Variants in MAGI3 observed in about 807,000 individuals in gnomAD.
MAGI3 encodes the protein membrane-associated guanylate kinase, WW and PDZ domain-containing protein 3.
Under a neutral mutation model 121.8 loss-of-function variants are expected in MAGI3, and 43 were observed. The observed-to-expected ratio is 0.35, with a 90% CI of 0.28 to 0.46. The LOEUF (loss-of-function observed/expected upper bound fraction) is 0.46. Ranked by LOEUF, MAGI3 falls within the 20% of genes least tolerant of loss-of-function variation. The pLI is 1.00. For missense variants in MAGI3, 1,547 were observed against 1,797.3 expected (o/e 0.86, Z 2.52); for synonymous variants, 553 against 639.3 (o/e 0.86, Z 2.04).
In MAGI3 at chr1:113,684,164, C is replaced by T; in HGVS notation, c.*150C>T. The T allele has an allele frequency of 1.1e-6, 1 of 872,166 alleles. No individual in the cohort carries two copies. The highest frequency in any genetic ancestry group is 1.6e-6 in the Non-Finnish European group (1 of 608,054). The allele number at this position is 872,166 out of a possible 1,614,324, so 54.0% of individuals were successfully genotyped here. ...AAGTTACCTAGGCTGCATGAAGGGCCTTTAGGATTGCTAAGAACCAACTGT... is the reference window on the plus strand; with the variant it reads ...AAGTTACCTAGGCTGCATGAAGGGCTTTTAGGATTGCTAAGAACCAACTGT... On this transcript the variant is annotated 3_prime_UTR_variant, in exon 21 of 21. Transcript: ENST00000307546.
intron 9 of MAGI3, among the ~76,000 whole-genome samples, chr1:113,631,126 C>G (rs1236986181): frequency 6.6e-6 from 1 of 152,136 alleles, no homozygotes; most frequent in Admixed American, 6.5e-5. Context: ...CAATGCAAAT[C>G]CTGACAATCG....
intron 1 of MAGI3, among the ~76,000 whole-genome samples, chr1:113,539,350 G>A (rs1366626300): frequency 1.3e-5 from 2 of 149,646 alleles, no homozygotes; most frequent in Admixed American, 6.7e-5. Context: ...CCAAGATCAC[G>A]CCACTGCACT....
intron 2 of MAGI3, among the ~76,000 whole-genome samples, chr1:113,558,407 A>G (rs1437020196): frequency 2.0e-5 from 3 of 152,226 alleles, no homozygotes; most frequent in African/African-American, 7.2e-5. Flanking sequence ...GAACTTCTCA[A>G]TGCAATCACA....
At chr1:113,629,761 T>TCTCCCCCCCC (rs1371112761) in intron 9 of MAGI3, among the ~76,000 whole-genome samples, 3 of 30,520 alleles carry the variant, frequency 9.8e-5, no homozygotes, top group African/African-American at 3.4e-4. Context: ...TCTCTCTCTC[T>TCTCCCCCCCC]CCCTCCCTCC....
At chr1:113,497,392 C>T (rs1557789146) in intron 1 of MAGI3, among the ~76,000 whole-genome samples, 1 of 109,504 alleles carries the variant, frequency 9.1e-6, no homozygotes, top group Non-Finnish European at 1.9e-5. Context: ...GAGGCATTGC[C>T]TCACCTGGGA....
intron 14 of MAGI3, among the ~76,000 whole-genome samples, chr1:113,653,600 G>A (rs1362455162): frequency 6.6e-6 from 1 of 152,000 alleles, no homozygotes; most frequent in Admixed American, 6.6e-5. Flanking sequence ...GATAACATGA[G>A]ATTGTATGTA....
intron 6 of MAGI3, among the ~76,000 whole-genome samples, chr1:113,599,460 A>G (rs1283979295): frequency 6.6e-6 from 1 of 152,238 alleles, no homozygotes; most frequent in East Asian, 1.9e-4. Context: ...CAAATAAACT[A>G]GAAAATCTAG....
intron 2 of MAGI3, among the ~76,000 whole-genome samples, chr1:113,566,163 T>A (rs1660427637): frequency 6.6e-6 from 1 of 152,222 alleles, no homozygotes. Context: ...ACATCTACTT[T>A]GGAAAATAAT....
At chr1:113,517,993 T>C (rs1191949764) in intron 1 of MAGI3, among the ~76,000 whole-genome samples, 15 of 152,088 alleles carry the variant, frequency 9.9e-5, no homozygotes, top group Non-Finnish European at 2.1e-4. Flanking sequence ...GGTTCCTCAT[T>C]GCATGTAAGA....
chr1:113,669,950 G>A (rs1303750859), intron 16 of MAGI3, among the ~76,000 whole-genome samples: 2 of 114,922 alleles, frequency 1.7e-5, no homozygotes, highest in African/African-American at 3.2e-5. Context: ...AGTTACTCAA[G>A]AAAAATAAAA....
intron 6 of MAGI3, among the ~76,000 whole-genome samples, chr1:113,597,838 C>G (rs541905517): frequency 6.6e-6 from 1 of 152,200 alleles, no homozygotes; most frequent in Non-Finnish European, 1.5e-5. Flanking sequence ...CCAGATCAGC[C>G]CTACAAGATA....
chr1:113,416,911 A>G (rs965180427), intron 1 of MAGI3, among the ~76,000 whole-genome samples: 5 of 151,996 alleles, frequency 3.3e-5, no homozygotes, highest in Admixed American at 1.3e-4. Flanking sequence ...TAAATAAAGT[A>G]CTATAAATAG....
chr1:113,645,631 T>C (rs192538708), intron 11 of MAGI3, among the ~76,000 whole-genome samples: 221 of 152,242 alleles, frequency 1.5e-3, no homozygotes, highest in African/African-American at 5.2e-3. Flanking sequence ...GTCTGGGTGA[T>C]TGAAGGGTCC....
chr1:113,653,195 G>T (rs936459523), intron 14 of MAGI3, among the ~76,000 whole-genome samples: 2 of 152,122 alleles, frequency 1.3e-5, no homozygotes, highest in Non-Finnish European at 2.9e-5. Flanking sequence ...ATTTATAATT[G>T]ATTTTAAAAG....
chr1:113,606,752 T>C (rs962555802), intron 6 of MAGI3, among the ~76,000 whole-genome samples: 2 of 152,204 alleles, frequency 1.3e-5, no homozygotes, highest in Non-Finnish European at 2.9e-5. Context: ...TAATCATCTA[T>C]GCCAAAATCT....
intron 6 of MAGI3, among the ~76,000 whole-genome samples, chr1:113,612,692 A>G (rs1233401129): frequency 6.6e-6 from 1 of 152,214 alleles, no homozygotes; most frequent in Non-Finnish European, 1.5e-5. Context: ...AAAGTAACCC[A>G]GAAGATAAAT....
intron 9 of MAGI3, among the ~76,000 whole-genome samples, chr1:113,641,145 A>AT (rs1652507869): frequency 2.3e-5 from 2 of 85,454 alleles, no homozygotes; most frequent in South Asian, 3.4e-4. Flanking sequence ...TATGATATAT[A>AT]AATATATATG....
intron 1 of MAGI3, among the ~76,000 whole-genome samples, chr1:113,421,036 A>AT (rs1652709312): frequency 6.6e-6 from 1 of 151,554 alleles, no homozygotes; most frequent in Non-Finnish European, 1.5e-5. Flanking sequence ...GGCTAACTGT[A>AT]TTTTTTTCTT....
Position 113,634,972 on chromosome 1 carries a change from G to A in MAGI3, c.1361-6939G>A, listed in dbSNP as rs565417220. ...ACGTCCCTTGTAAGTTGGATTCCTA[G>A]GTATTTTATTCTCTTTGAAGCAATT... On this transcript the variant is annotated intron_variant, in intron 9 of 20. Coordinates refer to ENST00000307546, the MANE Select transcript of MAGI3 (RefSeq NM_001142782.2). Among the ~76,000 whole-genome samples, 993 of 152,040 alleles carry A rather than the reference G, an allele frequency of 6.5e-3. 5 individuals are homozygous for A. Among genetic ancestry groups the A allele is most frequent in the Non-Finnish European group, 0.01 (701 of 67,942 alleles).
Sources: gnomAD v4.1 joint callset for allele counts (sites outside exome capture counted in the v4.1 genomes callset) on GRCh38, gnomAD v4.1.1 for gene constraint, MANE v1.5 for transcripts, NCBI Gene and HGNC (gene_info 2026-07-23, HGNC 2026-07-21) for gene names.